Variants in CEP57L1 observed in about 807,000 individuals in gnomAD.
The protein encoded by CEP57L1 is centrosomal protein 57 like 1.
Under a neutral mutation model 61.0 loss-of-function variants are expected in CEP57L1, and 37 were observed. The observed-to-expected ratio is 0.61, with a 90% CI of 0.47 to 0.80. The LOEUF is 0.80. CEP57L1 is among the 30% of genes least tolerant of loss of function. The pLI is 0.00. For missense variants in CEP57L1, 422 were observed against 524.7 expected (o/e 0.80, Z 1.91); for synonymous variants, 137 against 162.3 (o/e 0.84, Z 1.19).
intron 1 of CEP57L1, among the ~76,000 whole-genome samples, chr6:109,110,704 A>G (rs770577230): frequency 6.6e-6 from 1 of 152,176 alleles, no homozygotes; most frequent in African/African-American, 2.4e-5. Flanking sequence ...ATTTTTGTGT[A>G]AGGTGTAAGG....
intron 1 of CEP57L1, among the ~76,000 whole-genome samples, chr6:109,097,284 A>G (rs1266152618): frequency 2.0e-5 from 3 of 152,224 alleles, no homozygotes; most frequent in African/African-American, 4.8e-5. Context: ...TACAGTAGCA[A>G]TTATTCACAA....
rs772409319 is a variant in CEP57L1, at chr6:109,162,844, A to G, written c.1257A>G (p.Ile419Met). ...EDSYPKGSKN[I>M]KNSPRKCLTD... The stretch of plus-strand genomic sequence containing the variant: ...GCTACCCTAAAGGATCAAAGAACAT[A>G]AAAAATAGCCCCAGAAAATGTTTGA... The change falls in exon 11 of 11, where the codon ATA becomes ATG. Residue 419 changes from isoleucine (I) to methionine (M), a missense_variant. Physicochemically the swap from Ile to Met is conservative, Grantham distance 10. Coordinates refer to ENST00000517392, the MANE Select transcript of CEP57L1 (RefSeq NM_001271852.3). 6.2e-7 allele frequency: 1 copy of G among 1,613,266 alleles called. No individual in the cohort carries two copies. The highest frequency in any genetic ancestry group is 1.1e-5 in the South Asian group (1 of 91,052).
Position 109,167,381 on chromosome 6 carries a change from T to A in CEP57L1, c.*4411T>A, listed in dbSNP as rs936868136. Among the ~76,000 whole-genome samples, 2 of 152,002 alleles carry A rather than the reference T, an allele frequency of 1.3e-5. No individual in the cohort carries two copies. The highest frequency in any genetic ancestry group is 2.9e-5 in the Non-Finnish European group (2 of 67,984). ...GGAGTGTTCTCCATATTGATATAGATGGATCCATTTCCCATTTGGGGCTGA... is the reference window on the plus strand; with the variant it reads ...GGAGTGTTCTCCATATTGATATAGAAGGATCCATTTCCCATTTGGGGCTGA... On this transcript the variant is annotated 3_prime_UTR_variant, in exon 11 of 11. Coordinates refer to ENST00000517392, the MANE Select transcript of CEP57L1 (RefSeq NM_001271852.3).
chr6:109,159,322 G>A lies in CEP57L1; in HGVS notation c.876G>A (p.Glu292=), dbSNP rs768405682. 6.2e-7 allele frequency: 1 copy of A among 1,614,092 alleles called. No homozygotes were observed. The highest frequency in any genetic ancestry group is 8.5e-7 in the Non-Finnish European group (1 of 1,179,980). The change falls in exon 9 of 11, where the codon GAG becomes GAA. Residue 292 remains glutamate, a synonymous_variant. Transcript: ENST00000517392. ...TTCAGAAACCTTTTAACGTGACTGA[G>A]ACTAGATGTCTCCCCAAGCCTTCTA... ...HILQKPFNVT[E]TRCLPKPSRT...
At chr6:109,125,114 AG>A (rs1162317780) in intron 1 of CEP57L1, 1 of 152,190 alleles carries the variant, frequency 6.6e-6, no homozygotes, top group Non-Finnish European at 1.5e-5. Flanking sequence ...TTTCCAGTGA[AG>A]GGGTAAACAA....
chr6:109,101,616 C>CTTTTTCTT (rs1782412121), intron 1 of CEP57L1, among the ~76,000 whole-genome samples: 2 of 126,526 alleles, frequency 1.6e-5, no homozygotes, highest in African/African-American at 5.5e-5. Flanking sequence ...TTTTCTTTTT[C>CTTTTTCTT]TTTTTTCTTT....
At chr6:109,124,783 A>G (rs538974930) in intron 1 of CEP57L1, among the ~76,000 whole-genome samples, 2 of 152,184 alleles carry the variant, frequency 1.3e-5, no homozygotes, top group Non-Finnish European at 2.9e-5. Context: ...TTCACCCTTC[A>G]TGTCTCAGTT....
intron 9 of CEP57L1, among the ~76,000 whole-genome samples, chr6:109,160,046 C>T (rs112064931): frequency 0.011 from 1,629 of 152,288 alleles, 39 homozygotes; most frequent in African/African-American, 0.037. Flanking sequence ...ATATGGGATA[C>T]ATTATATTGT....
chr6:109,104,757 ATT>A (rs933826483), intron 1 of CEP57L1, among the ~76,000 whole-genome samples: 1 of 149,746 alleles, frequency 6.7e-6, no homozygotes, highest in Admixed American at 6.7e-5. Context: ...TAATTAAAAA[ATT>A]TTTTTTTTGT....
intron 1 of CEP57L1, among the ~76,000 whole-genome samples, chr6:109,097,279 T>C (rs753798824): frequency 3.3e-5 from 5 of 152,206 alleles, no homozygotes; most frequent in African/African-American, 4.8e-5. Context: ...ACCACTACAG[T>C]AGCAATTATT....
chr6:109,114,292 A>C (rs1772023918), intron 1 of CEP57L1, among the ~76,000 whole-genome samples: 1 of 151,998 alleles, frequency 6.6e-6, no homozygotes, highest in South Asian at 2.1e-4. Flanking sequence ...TTTAATTTTC[A>C]TTTCTTTGAT....
At chr6:109,149,932 G>T (rs1772409880) in intron 3 of CEP57L1, among the ~76,000 whole-genome samples, 186 bp from the exon 4 acceptor site, 1 of 152,046 alleles carries the variant, frequency 6.6e-6, no homozygotes, top group African/African-American at 2.4e-5. Flanking sequence ...TCTGTTATTG[G>T]TGTATAAGAA....
rs1773827885 is a variant in CEP57L1, at chr6:109,162,740, T to A, written c.1162-9T>A. On this transcript the variant is annotated splice_polypyrimidine_tract_variant and intron_variant, in intron 10 of 10. Coordinates refer to ENST00000517392, the MANE Select transcript of CEP57L1 (RefSeq NM_001271852.3). ...TTGACTAAAATGTTAGATTTTTTTT[T>A]CTCTCCAGGTCTGTAAACTGCAGCA... 1 of 1,564,814 alleles carries A rather than the reference T, an allele frequency of 6.4e-7. No homozygotes were observed.
chr6:109,134,796 G>C (rs906964828), intron 1 of CEP57L1, among the ~76,000 whole-genome samples: 3 of 152,020 alleles, frequency 2.0e-5, no homozygotes, highest in South Asian at 2.1e-4. Context: ...CAAATCATGA[G>C]TGAACTCCCA....
intron 1 of CEP57L1, among the ~76,000 whole-genome samples, chr6:109,123,811 G>C (rs1377099249): frequency 6.6e-6 from 1 of 152,198 alleles, no homozygotes; most frequent in Non-Finnish European, 1.5e-5. Context: ...GTTCACACCT[G>C]TAATCTCAGT....
intron 8 of CEP57L1, 31 bp downstream of exon 8, chr6:109,159,133 C>A (rs2114953598): frequency 1.2e-6 from 2 of 1,613,698 alleles, no homozygotes; most frequent in East Asian, 2.2e-5. Flanking sequence ...GATAGTCGTT[C>A]AAAAAAACTC....
chr6:109,155,218 A>G lies in CEP57L1; in HGVS notation c.580-12A>G, dbSNP rs1457668349. ...TTTTTATGTAACAATCTTAGTTTTT[A>G]CTCTTTTGCAGGACAAGATTAAACA... On this transcript the variant is annotated splice_polypyrimidine_tract_variant and intron_variant, in intron 5 of 10. Coordinates refer to ENST00000517392, the MANE Select transcript of CEP57L1 (RefSeq NM_001271852.3). The G allele has an allele frequency of 8.0e-6, 12 of 1,506,222 alleles. No individual in the cohort carries two copies. Among genetic ancestry groups the G allele is most frequent in the Non-Finnish European group, 1.1e-5 (12 of 1,101,890 alleles). The allele number at this position is 1,506,222 out of a possible 1,614,324, so 93.3% of individuals were successfully genotyped here.
intron 1 of CEP57L1, among the ~76,000 whole-genome samples, chr6:109,109,275 G>A (rs1771295636): frequency 6.6e-6 from 1 of 152,172 alleles, no homozygotes; most frequent in African/African-American, 2.4e-5. Flanking sequence ...TTTGGAAAAT[G>A]CATGCTTCAT....
intron 1 of CEP57L1, among the ~76,000 whole-genome samples, chr6:109,127,864 G>A (rs917056930): frequency 5.3e-5 from 8 of 151,450 alleles, no homozygotes; most frequent in South Asian, 2.1e-4. Context: ...TGCTGACCTC[G>A]TGATCCGCCC....
Sources: gnomAD v4.1 joint callset for allele counts (sites outside exome capture counted in the v4.1 genomes callset) on GRCh38, gnomAD v4.1.1 for gene constraint, MANE v1.5 for transcripts, NCBI Gene and HGNC (gene_info 2026-07-23, HGNC 2026-07-21) for gene names.